The following PKIA variants were observed in gnomAD, a reference collection of about 807,000 sequenced individuals.
PKIA encodes the protein cAMP-dependent protein kinase inhibitor alpha, also known as PKI-alpha.
PKIA carries 4 observed loss-of-function variants against 7.6 expected under a neutral mutation model. That is an observed-to-expected ratio of 0.52 (90% CI 0.26 to 1.20). PKIA has a LOEUF of 1.20. PKIA is among the 50% of genes most tolerant of loss of function. The pLI, the probability that PKIA is intolerant of heterozygous loss-of-function variation, is 0.13. For synonymous variants in PKIA, 21 were observed against 30.7 expected (o/e 0.68, Z 1.04); for missense variants, 73 against 86.2 (o/e 0.85, Z 0.61).
At chr8:78,566,858 G>A (rs1432557108) in intron 1 of PKIA, among the ~76,000 whole-genome samples, 1 of 152,068 alleles carries the variant, frequency 6.6e-6, no homozygotes, top group Non-Finnish European at 1.5e-5. Flanking sequence ...ACACCGAAAA[G>A]ACATTTAGCA....
intron 1 of PKIA, among the ~76,000 whole-genome samples, chr8:78,525,892 C>T (rs902225516): frequency 4.6e-5 from 7 of 151,880 alleles, no homozygotes; most frequent in Non-Finnish European, 1.0e-4. Context: ...ATACCTTTAC[C>T]ATTTACTAGC....
intron 2 of PKIA, among the ~76,000 whole-genome samples, chr8:78,597,875 C>A (rs1808261075): frequency 6.6e-6 from 1 of 151,830 alleles, no homozygotes; most frequent in Admixed American, 6.6e-5. Flanking sequence ...AAATGCCCAT[C>A]AACAGTGGAC....
rs1554578571 is a variant in PKIA at position 78,524,024 on chromosome 8, T to TTATATAAA, written c.-157+7557_-157+7564dup. On this transcript the variant is annotated intron_variant, in intron 1 of 3. Transcript: ENST00000396418. The stretch of plus-strand genomic sequence containing the variant: ...TTTATATATAAATATATATAAACGT[T>TTATATAAA]TATATAAACGTTTATATATATAAAT... 1.7e-4 allele frequency among the ~76,000 whole-genome samples: 14 copies of TTATATAAA among 83,552 alleles called. 2 individuals carry two copies. Among genetic ancestry groups the TTATATAAA allele is most frequent in the South Asian group, 3.2e-4 (1 of 3,104 alleles). The allele number at this position is 83,552 out of a possible 152,430, so 54.8% of individuals were successfully genotyped here.
intron 1 of PKIA, among the ~76,000 whole-genome samples, chr8:78,564,170 T>C (rs1443637299): frequency 6.6e-6 from 1 of 151,584 alleles, no homozygotes. Flanking sequence ...GAAGCCTTAT[T>C]TAAAAAAAAA....
At chr8:78,527,575 T>C (rs937499590) in intron 1 of PKIA, among the ~76,000 whole-genome samples, 1 of 152,040 alleles carries the variant, frequency 6.6e-6, no homozygotes, top group African/African-American at 2.4e-5. Flanking sequence ...GTTATGAGAA[T>C]ATGTTTAAGA....
At chr8:78,581,685 T>A (rs1223184042) in intron 2 of PKIA, among the ~76,000 whole-genome samples, 2 of 152,084 alleles carry the variant, frequency 1.3e-5, no homozygotes, top group Non-Finnish European at 2.9e-5. Context: ...GCTATGAATT[T>A]CAAGGGAAAT....
chr8:78,558,398 A>T (rs1289583396), intron 1 of PKIA: 2 of 153,660 alleles, frequency 1.3e-5, no homozygotes, highest in African/African-American at 4.8e-5. Context: ...GAGTCTGGGA[A>T]GAAAAAGAGG....
intron 1 of PKIA, chr8:78,556,555 G>C (rs74798467): frequency 0.071 from 10,778 of 152,086 alleles, 539 homozygotes; most frequent in Non-Finnish European, 0.11. Flanking sequence ...ATGAATACAG[G>C]CTTTCTCTCC....
At chr8:78,537,068 G>A (rs997225569) in intron 1 of PKIA, among the ~76,000 whole-genome samples, 1 of 151,894 alleles carries the variant, frequency 6.6e-6, no homozygotes, top group Admixed American at 6.6e-5. Flanking sequence ...TCAGGGTTTT[G>A]GGGACCAGTT....
chr8:78,532,554 T>G (rs1806415034), intron 1 of PKIA, among the ~76,000 whole-genome samples: 1 of 151,546 alleles, frequency 6.6e-6, no homozygotes. Flanking sequence ...TGGTCAGATT[T>G]AATTGAACAT....
intron 1 of PKIA, among the ~76,000 whole-genome samples, chr8:78,567,583 C>A (rs539847947): frequency 6.9e-6 from 1 of 144,904 alleles, no homozygotes; most frequent in Non-Finnish European, 1.5e-5. Context: ...CTGAGATAGT[C>A]GTCATCATCA....
At position 78,602,020 on chromosome 8, in the gene PKIA, A is replaced by G. The variant is rs1563597067; in HGVS notation, c.*199A>G. 1.8e-6 allele frequency: 1 copy of G among 570,484 alleles called. No homozygotes were observed. The highest frequency in any genetic ancestry group is 2.9e-5 in the East Asian group (1 of 34,194). 35.3% of individuals were successfully genotyped at this position (570,484 alleles called of 1,614,324 possible). ...CTTTTCCCTACCTCTGTCATTAGCA[A>G]TGGTTGAAATCATGTGGCTTGTGTT... On this transcript the variant is annotated 3_prime_UTR_variant, in exon 4 of 4. Transcript: ENST00000396418.
intron 1 of PKIA, among the ~76,000 whole-genome samples, chr8:78,524,214 AAACATT>A (rs1809497322): frequency 2.9e-5 from 4 of 139,196 alleles, no homozygotes; most frequent in African/African-American, 1.1e-4. Flanking sequence ...ATATATATAT[AAACATT>A]TATATTTATA....
intron 2 of PKIA, among the ~76,000 whole-genome samples, chr8:78,575,783 A>G (rs1032793303): frequency 2.0e-5 from 3 of 152,044 alleles, no homozygotes; most frequent in Non-Finnish European, 2.9e-5. Flanking sequence ...CTCACCAGTT[A>G]TATCAGCCAA....
chr8:78,521,821 CATT>C (rs1374498573), intron 1 of PKIA, among the ~76,000 whole-genome samples: 10 of 151,926 alleles, frequency 6.6e-5, no homozygotes, highest in Non-Finnish European at 1.3e-4. Context: ...AGAACTGTCT[CATT>C]ATCACAAACA....
chr8:78,582,241 T>G (rs1342583993), intron 2 of PKIA, among the ~76,000 whole-genome samples: 1 of 151,392 alleles, frequency 6.6e-6, no homozygotes, highest in East Asian at 1.9e-4. Flanking sequence ...ATTCTCACGC[T>G]GCTATAAGGA....
At chr8:78,557,159 G>T (rs1807160596) in intron 1 of PKIA, among the ~76,000 whole-genome samples, 1 of 152,136 alleles carries the variant, frequency 6.6e-6, no homozygotes, top group Non-Finnish European at 1.5e-5. Context: ...GAATGAATGT[G>T]ACGCCAATTA....
At chr8:78,574,586 C>T (rs1807630042) in intron 2 of PKIA, among the ~76,000 whole-genome samples, 1 of 151,906 alleles carries the variant, frequency 6.6e-6, no homozygotes, top group Non-Finnish European at 1.5e-5. Context: ...CACACACTCT[C>T]CCAGGTGTGA....
chr8:78,591,141 T>C (rs750526938), intron 2 of PKIA: 1 of 152,624 alleles, frequency 6.6e-6, no homozygotes, highest in Non-Finnish European at 1.5e-5. Flanking sequence ...GTGTCCCATT[T>C]ACAGGAGTAA....
Sources: gnomAD v4.1 joint callset for allele counts (sites outside exome capture counted in the v4.1 genomes callset) on GRCh38, gnomAD v4.1.1 for gene constraint, MANE v1.5 for transcripts, NCBI Gene and HGNC (gene_info 2026-07-23, HGNC 2026-07-21) for gene names.